GIT2: variants seen among roughly 807,000 people sequenced by gnomAD.
GIT2 encodes the protein ARF GTPase-activating protein GIT2.
Under a neutral mutation model 100.3 loss-of-function variants are expected in GIT2, and 32 were observed. The ratio of observed to expected loss-of-function variants is 0.32; its 90% CI spans 0.24 to 0.43. The LOEUF (loss-of-function observed/expected upper bound fraction) is 0.43. Among genes scored for constraint, GIT2 ranks in the 20% least tolerant of loss-of-function variants. GIT2 has a pLI of 1.00. For missense variants in GIT2, 737 were observed against 975.1 expected, an observed-to-expected ratio of 0.76 and a Z score of 3.25; for synonymous variants, 353 against 364.1, an observed-to-expected ratio of 0.97 and a Z score of 0.35.
rs571952846 is a variant in GIT2, at chr12:109,952,196, A to C, written c.1243-880T>G. ...TCTCCCCACTTCAACCTTCCGACTT[A>C]TTGCCAAGACTTTTCTATTCTACCT... On this transcript the variant is annotated intron_variant, in intron 13 of 19. Transcript: ENST00000355312. Among the ~76,000 whole-genome samples, 3 of 152,270 alleles carry C rather than the reference A, an allele frequency of 2.0e-5. No individual in the cohort carries two copies. In the East Asian group the frequency reaches 5.8e-4, roughly 29 times the overall value.
rs75275149 is a variant in GIT2 at position 109,964,279 on chromosome 12, A to C, written c.816+1247T>G. Among the ~76,000 whole-genome samples the C allele has an allele frequency of 5.3e-5, 8 of 152,354 alleles. No individual in the cohort carries two copies. The East Asian group carries it at 1.4e-3, about 26-fold the overall frequency. ...AGACACACAAAACTGTAGATACAGA[A>C]CACAGAGACACCAAACAAATTGCAT... On this transcript the variant is annotated intron_variant, in intron 9 of 19. Transcript: ENST00000355312.
chr12:109,983,406 T>C lies in GIT2; in HGVS notation c.590A>G (p.Asp197Gly). ...ATCAACGGGAGTTTTCCCACTAGAA[T>C]CCTGTGTGCCTGGGTCTGCTCCATA... ...AVYGADPGTQ[D>G]SSGKTPVDYA... Residue 197 changes from aspartate (D) to glycine (G), a missense_variant, in exon 6 of 20, where the codon GAT becomes GGT. Physicochemically the swap from Asp to Gly is moderately conservative, Grantham distance 94. Around this residue, in one of 3 missense-constraint regions of GIT2, gnomAD observed 266 missense variants for 376.2 expected, o/e 0.71. Transcript: ENST00000355312. The C allele has an allele frequency of 6.2e-7, 1 of 1,613,944 alleles. No homozygotes were observed. The highest frequency in any genetic ancestry group is 8.5e-7 in the Non-Finnish European group (1 of 1,179,860).
intron 8 of GIT2, 36 bp downstream of exon 8, chr12:109,967,422 G>T: frequency 6.6e-7 from 1 of 1,515,734 alleles, no homozygotes; most frequent in Non-Finnish European, 9.2e-7. Context: ...AAATATTAGC[G>T]ATAGACAAAA....
chr12:109,961,564 A>G, intron 10 of GIT2, 49 bp downstream of exon 10: 2 of 1,213,046 alleles, frequency 1.6e-6, no homozygotes, highest in Non-Finnish European at 2.5e-6. Flanking sequence ...GCAGCTTTTC[A>G]CTGCCCACTG....
chr12:109,970,248 C>T (rs1883517141), intron 7 of GIT2, among the ~76,000 whole-genome samples: 1 of 152,084 alleles, frequency 6.6e-6, no homozygotes. Context: ...AATCCCAGCA[C>T]TTTGGGAGGC....
intron 11 of GIT2, 83 bp from the exon 12 acceptor site, chr12:109,960,041 G>T: frequency 1.1e-6 from 1 of 871,178 alleles, no homozygotes; most frequent in Non-Finnish European, 1.9e-6. Context: ...TCAGACTATT[G>T]ACAGACTTCT....
At chr12:109,961,590 T>C (rs1342183189) in intron 10 of GIT2, 23 bp downstream of exon 10, 3 of 1,492,430 alleles carry the variant, frequency 2.0e-6, no homozygotes, top group Admixed American at 1.7e-5. Flanking sequence ...AGAAGCTTAT[T>C]AGATAAAGCC....
At chr12:109,986,781 A>G (rs1286290467) in intron 4 of GIT2, among the ~76,000 whole-genome samples, 1 of 150,234 alleles carries the variant, frequency 6.7e-6, no homozygotes, top group Non-Finnish European at 1.5e-5. Context: ...AAACAAACAA[A>G]CAAACAAACA....
Position 109,989,103 on chromosome 12 carries a change from G to A in GIT2, c.300-35C>T, listed in dbSNP as rs116847389. On this transcript the variant is annotated intron_variant, in intron 3 of 19. Transcript: ENST00000355312. Reference sequence around the variant, plus strand: ...AAACAAAAAAGAAAACAGTTCACTCGTTCAGATACAACAATCCCCATTCTT... The same window carrying A: ...AAACAAAAAAGAAAACAGTTCACTCATTCAGATACAACAATCCCCATTCTT... 1,493 of 1,215,484 alleles carry A rather than the reference G, an allele frequency of 1.2e-3. 4 individuals are homozygous for A. The highest frequency in any genetic ancestry group is 1.5e-3 in the Non-Finnish European group (1,216 of 815,898). 75.3% of individuals were successfully genotyped at this position (1,215,484 alleles called of 1,614,324 possible).
intron 16 of GIT2, chr12:109,939,701 A>G (rs1874098569): frequency 6.8e-6 from 1 of 147,086 alleles, no homozygotes; most frequent in African/African-American, 2.5e-5. Flanking sequence ...AAATAAATAA[A>G]TAAATAAATA....
upstream of GIT2, among the ~76,000 whole-genome samples, chr12:109,996,662 C>T (rs1298763183): frequency 6.6e-6 from 1 of 152,236 alleles, no homozygotes; most frequent in Non-Finnish European, 1.5e-5. Context: ...AAATGTTTAT[C>T]AAGCACTTAC....
At chr12:109,974,606 A>G (rs1884655915) in intron 7 of GIT2, among the ~76,000 whole-genome samples, 1 of 152,200 alleles carries the variant, frequency 6.6e-6, no homozygotes, top group Non-Finnish European at 1.5e-5. Flanking sequence ...CTGTAGCTTA[A>G]TACTATTATG....
At chr12:109,936,111 C>T (rs78965750) in intron 18 of GIT2, among the ~76,000 whole-genome samples, 2,898 of 151,958 alleles carry the variant, frequency 0.019, 37 homozygotes, top group Non-Finnish European at 0.031. Flanking sequence ...GGGTTTAATT[C>T]GTACAATTCA....
At position 109,947,237 on chromosome 12, in the gene GIT2, C is replaced by T. The variant is rs554445289; in HGVS notation, c.1641+19G>A. The T allele has an allele frequency of 6.7e-5, 108 of 1,605,942 alleles. 1 individual carries two copies. The South Asian group carries it at 1.1e-3, about 16-fold the overall frequency. The stretch of plus-strand genomic sequence containing the variant: ...GGCTGCATAGAGTGAACAGCAGAAG[C>T]GCCAGTGGTGTTACTTACGTGCGCG... On this transcript the variant is annotated intron_variant, in intron 15 of 19. Coordinates refer to ENST00000355312, the MANE Select transcript of GIT2 (RefSeq NM_057169.5). The surrounding 1 kb of genome is among the most constrained non-coding windows in gnomAD (Gnocchi z 4.3).
Position 109,934,058 on chromosome 12 carries a change from G to T in GIT2, c.2031C>A (p.His677Gln). 1 of 1,572,534 alleles carries T rather than the reference G, an allele frequency of 6.4e-7. No homozygotes were observed. Among genetic ancestry groups the T allele is most frequent in the Non-Finnish European group, 8.8e-7 (1 of 1,142,224 alleles). The stretch of plus-strand genomic sequence containing the variant: ...ATGCTGCCATTTCTGTAACAGCTAC[G>T]TGTATCCTCTCTGAGCAGGGAATAT... ...DSYIPCSERI[H>Q]VAVTEMAALF... The change falls in exon 19 of 20, where the codon CAC becomes CAA. Residue 677 changes from histidine to glutamine, a missense_variant. This residue lies in a region of GIT2 where 451 missense variants were observed against 543.7 expected (regional missense o/e 0.83). Transcript: ENST00000355312. The surrounding 1 kb of genome is among the most constrained non-coding windows in gnomAD (Gnocchi z 4.5).
intron 11 of GIT2, among the ~76,000 whole-genome samples, chr12:109,960,380 T>C (rs1458005020): frequency 6.6e-6 from 1 of 152,144 alleles, no homozygotes; most frequent in African/African-American, 2.4e-5. Context: ...TCCCAGAACC[T>C]TGGGAGGCTG....
At chr12:109,943,663 CTTT>C (rs773314431) in intron 16 of GIT2, among the ~76,000 whole-genome samples, 2 of 125,654 alleles carry the variant, frequency 1.6e-5, no homozygotes, top group African/African-American at 2.9e-5. Context: ...ATCAAGAATT[CTTT>C]TTTTTTTTTT....
At chr12:109,958,728 G>GA (rs1419527508) in intron 12 of GIT2, among the ~76,000 whole-genome samples, 1 of 152,200 alleles carries the variant, frequency 6.6e-6, no homozygotes, top group African/African-American at 2.4e-5. Context: ...GATACTGACT[G>GA]AAAACTTAAT....
intron 7 of GIT2, among the ~76,000 whole-genome samples, chr12:109,973,906 G>A (rs994443094): frequency 2.6e-5 from 4 of 151,762 alleles, no homozygotes; most frequent in South Asian, 4.2e-4. Context: ...GCCAGGCATG[G>A]TGCTGCATGC....
Sources: gnomAD v4.1 joint callset for allele counts (sites outside exome capture counted in the v4.1 genomes callset) on GRCh38, gnomAD v4.1.1 for gene constraint, gnomAD v4.1.1 regional missense constraint, Gnocchi (gnomAD v3.1) non-coding constraint, MANE v1.5 for transcripts, NCBI Gene and HGNC (gene_info 2026-07-23, HGNC 2026-07-21) for gene names.